Variants in HSD17B3 observed in about 807,000 individuals in gnomAD.
HSD17B3 encodes 17-beta-hydroxysteroid dehydrogenase type 3.
A neutral mutation model predicts 41.1 loss-of-function variants in HSD17B3; 29 were observed. That is an observed-to-expected ratio of 0.71 (90% CI 0.53 to 0.96). HSD17B3 has a LOEUF of 0.96. HSD17B3 is among the 40% of genes least tolerant of loss of function. HSD17B3 has a pLI of 0.00. For missense variants in HSD17B3, 323 were observed against 374.6 expected, an observed-to-expected ratio of 0.86 and a Z score of 1.14; for synonymous variants, 126 against 145.6, an observed-to-expected ratio of 0.87 and a Z score of 0.97.
At chr9:96,278,074 A>G (rs1826544611) in intron 2 of HSD17B3, among the ~76,000 whole-genome samples, 1 of 152,174 alleles carries the variant, frequency 6.6e-6, no homozygotes, top group Non-Finnish European at 1.5e-5. Flanking sequence ...TTGCTGCTAG[A>G]GGCTGGGGGA....
At chr9:96,240,405 G>A (rs1564022056) in intron 10 of HSD17B3, among the ~76,000 whole-genome samples, 1 of 152,100 alleles carries the variant, frequency 6.6e-6, no homozygotes, top group South Asian at 2.1e-4. Flanking sequence ...TTTTTTGCCT[G>A]GAGGGCTGAT....
At chr9:96,246,385 C>T in intron 7 of HSD17B3, 171 bp downstream of exon 7, 1 of 689,970 alleles carries the variant, frequency 1.4e-6, no homozygotes, top group Non-Finnish European at 2.6e-6. Context: ...CAGAGCTGGC[C>T]TGGCCCAGAA....
chr9:96,269,066 T>C (rs779349629), intron 2 of HSD17B3, among the ~76,000 whole-genome samples: 9 of 148,958 alleles, frequency 6.0e-5, no homozygotes, highest in Non-Finnish European at 1.0e-4. Context: ...CATCATAGAG[T>C]GCACTTACAC....
At chr9:96,299,389 C>A (rs1275235789) in intron 1 of HSD17B3, among the ~76,000 whole-genome samples, 2 of 152,200 alleles carry the variant, frequency 1.3e-5, no homozygotes, top group Admixed American at 6.5e-5. Context: ...TCCATGCACA[C>A]CGTCTGCAGC....
At chr9:96,261,000 T>TCCC (rs781199663) in intron 2 of HSD17B3, among the ~76,000 whole-genome samples, 1 of 152,096 alleles carries the variant, frequency 6.6e-6, no homozygotes, top group Non-Finnish European at 1.5e-5. Flanking sequence ...TATTTTTTAT[T>TCCC]CCCCCTCTCC....
chr9:96,278,556 G>T (rs560792689), intron 2 of HSD17B3, among the ~76,000 whole-genome samples: 1 of 152,084 alleles, frequency 6.6e-6, no homozygotes, highest in African/African-American at 2.4e-5. Context: ...CGTGGGGCTT[G>T]AGTGGGGCCA....
intron 2 of HSD17B3, among the ~76,000 whole-genome samples, chr9:96,262,886 G>C (rs1017822017): frequency 2.0e-5 from 3 of 152,082 alleles, no homozygotes; most frequent in Admixed American, 1.3e-4. Flanking sequence ...AGCCCCATCT[G>C]AGTATTTGCC....
chr9:96,276,387 A>G (rs1826460987), intron 2 of HSD17B3, among the ~76,000 whole-genome samples: 1 of 152,158 alleles, frequency 6.6e-6, no homozygotes, highest in Non-Finnish European at 1.5e-5. Context: ...GGCATTTTTT[A>G]TAGAAATAAA....
chr9:96,238,005 T>C (rs549665567), intron 10 of HSD17B3, among the ~76,000 whole-genome samples: 3 of 152,166 alleles, frequency 2.0e-5, no homozygotes, highest in African/African-American at 4.8e-5. Context: ...TGTAGTGGCA[T>C]GTGCCTATAG....
At chr9:96,249,315 A>G (rs1250951817) in intron 6 of HSD17B3, among the ~76,000 whole-genome samples, 7 of 152,214 alleles carry the variant, frequency 4.6e-5, no homozygotes, top group Non-Finnish European at 7.3e-5. Context: ...ACACAGATGA[A>G]TTTGAGCTTT....
At chr9:96,241,954 G>GA (rs1564023265) in intron 9 of HSD17B3, among the ~76,000 whole-genome samples, 3 of 14,994 alleles carry the variant, frequency 2.0e-4, no homozygotes, top group Admixed American at 7.6e-4. Flanking sequence ...AAAAAGAAAA[G>GA]AACAGAAAAA....
intron 2 of HSD17B3, among the ~76,000 whole-genome samples, chr9:96,257,012 C>A (rs1825688080): frequency 6.6e-6 from 1 of 152,032 alleles, no homozygotes; most frequent in African/African-American, 2.4e-5. Context: ...GGCACCTCCC[C>A]CTTCTCTTCC....
intron 10 of HSD17B3, among the ~76,000 whole-genome samples, chr9:96,237,223 C>T (rs1836269050): frequency 1.3e-5 from 2 of 152,194 alleles, no homozygotes; most frequent in Admixed American, 1.3e-4. Context: ...AATTACAATT[C>T]CAGCCCCCTT....
intron 1 of HSD17B3, among the ~76,000 whole-genome samples, chr9:96,299,857 T>C (rs1827506066): frequency 6.6e-6 from 1 of 152,114 alleles, no homozygotes; most frequent in East Asian, 1.9e-4. Flanking sequence ...TTCTTTTTTG[T>C]CCCCTACTTG....
In HSD17B3 at chr9:96,250,518, T is replaced by C. The variant is rs185731265; in HGVS notation, c.454-732A>G. The C allele has an allele frequency of 1.4e-3, 1,407 of 1,025,058 alleles. 1 individual carries two copies. Among genetic ancestry groups the C allele is most frequent in the Non-Finnish European group, 1.6e-3 (1,332 of 848,132 alleles). 63.5% of individuals were successfully genotyped at this position (1,025,058 alleles called of 1,614,324 possible). On this transcript the variant is annotated intron_variant, in intron 5 of 10. Coordinates refer to ENST00000375263, the MANE Select transcript of HSD17B3 (RefSeq NM_000197.2). ...AGTGGGGAATGGAAGCATGAGAGCCTGTTCAGATTGGTGTAGCCCTAATGA... is the reference window on the plus strand; with the variant it reads ...AGTGGGGAATGGAAGCATGAGAGCCCGTTCAGATTGGTGTAGCCCTAATGA...
intron 10 of HSD17B3, 134 bp downstream of exon 10, chr9:96,240,624 C>A (rs1417202389): frequency 2.8e-5 from 26 of 936,130 alleles, no homozygotes; most frequent in Non-Finnish European, 4.4e-5. Context: ...CACCTCGCCA[C>A]ATAGTCCTTG....
At chr9:96,246,992 T>C (rs1388030946) in intron 6 of HSD17B3, among the ~76,000 whole-genome samples, 1 of 152,136 alleles carries the variant, frequency 6.6e-6, no homozygotes, top group East Asian at 1.9e-4. Context: ...TGGGGAAACC[T>C]AACAAGACTC....
chr9:96,301,729 C>T (rs1208758862), intron 1 of HSD17B3, among the ~76,000 whole-genome samples: 1 of 137,778 alleles, frequency 7.3e-6, no homozygotes, highest in Non-Finnish European at 1.6e-5. Context: ...AAAAAAAACA[C>T]CATTAGCCAG....
At chr9:96,258,044 C>A (rs546210784) in intron 2 of HSD17B3, among the ~76,000 whole-genome samples, 3 of 152,162 alleles carry the variant, frequency 2.0e-5, no homozygotes, top group Non-Finnish European at 2.9e-5. Context: ...CCAGTACATA[C>A]CCCTTGCCCA....
Sources: allele counts gnomAD v4.1 joint callset (sites outside exome capture counted in the v4.1 genomes callset), GRCh38; gene constraint gnomAD v4.1.1; transcripts MANE v1.5; gene names NCBI Gene and HGNC (gene_info 2026-07-23, HGNC 2026-07-21).